EIF4G3: variants seen among roughly 807,000 people sequenced by gnomAD.
EIF4G3 encodes eukaryotic translation initiation factor 4 gamma 3.
EIF4G3 carries 34 observed loss-of-function variants against 186.4 expected under a neutral mutation model. The ratio of observed to expected loss-of-function variants is 0.18; its 90% CI spans 0.14 to 0.24. EIF4G3 has a LOEUF of 0.24. EIF4G3 is among the 10% of genes least tolerant of loss of function. The pLI, the probability that EIF4G3 is intolerant of heterozygous loss-of-function variation, is 1.00. For synonymous variants in EIF4G3, 673 were observed against 679.5 expected (o/e 0.99, Z 0.15); for missense variants, 1,536 against 1,948.5 (o/e 0.79, Z 3.99).
chr1:21,058,324 A>C (rs2094670482), intron 3 of EIF4G3, among the ~76,000 whole-genome samples: 1 of 152,170 alleles, frequency 6.6e-6, no homozygotes, highest in African/African-American at 2.4e-5. Context: ...ACTGGCATGC[A>C]GGAATTCCAG....
At chr1:20,818,543 G>A (rs2061589005) in intron 33 of EIF4G3, among the ~76,000 whole-genome samples, 1 of 152,160 alleles carries the variant, frequency 6.6e-6, no homozygotes, top group Non-Finnish European at 1.5e-5. Context: ...TCAGGAGGCT[G>A]AGATGGGAGG....
intron 4 of EIF4G3, 34 bp from the exon 5 acceptor site, chr1:21,002,842 T>A: frequency 8.2e-7 from 1 of 1,226,974 alleles, no homozygotes. Context: ...TATAATATTT[T>A]GAAAAAATAT....
chr1:20,822,355 CTTTTTTTTTTTTTT>C (rs57050580), intron 33 of EIF4G3, among the ~76,000 whole-genome samples: 1 of 65,048 alleles, frequency 1.5e-5, no homozygotes, highest in Non-Finnish European at 2.7e-5. Flanking sequence ...AAAGAACCAG[CTTTTTTTTTTTTTT>C]TTTTTTTTTT....
At chr1:21,005,563 T>C (rs1344762800) in intron 4 of EIF4G3, among the ~76,000 whole-genome samples, 2 of 152,296 alleles carry the variant, frequency 1.3e-5, no homozygotes, top group African/African-American at 4.8e-5. Flanking sequence ...GCTAAAAATA[T>C]ACATGACAAC....
chr1:21,066,417 T>C (rs965190724), intron 3 of EIF4G3, among the ~76,000 whole-genome samples: 2 of 151,846 alleles, frequency 1.3e-5, no homozygotes, highest in East Asian at 1.9e-4. Context: ...AAAATTAACA[T>C]AGAAATGTTA....
At chr1:20,849,575 CT>C in intron 28 of EIF4G3, 45 bp from the exon 29 acceptor site, 1 of 873,944 alleles carries the variant, frequency 1.1e-6, no homozygotes, top group Non-Finnish European at 1.7e-6. Flanking sequence ...ATAAAAATTA[CT>C]ATTAAAATAG....
intron 30 of EIF4G3, among the ~76,000 whole-genome samples, chr1:20,838,146 T>C (rs529784325): frequency 6.6e-6 from 1 of 152,338 alleles, no homozygotes; most frequent in East Asian, 1.9e-4. Flanking sequence ...CTGGTTATGA[T>C]ATTTTTTCTT....
chr1:20,934,459 C>G (rs1351960164), intron 14 of EIF4G3, among the ~76,000 whole-genome samples: 1 of 151,780 alleles, frequency 6.6e-6, no homozygotes, highest in Non-Finnish European at 1.5e-5. Flanking sequence ...CTAAGAGAGT[C>G]TGATGAAGGT....
At chr1:20,893,441 G>T in intron 18 of EIF4G3, 76 bp downstream of exon 18, 1 of 1,440,538 alleles carries the variant, frequency 6.9e-7, no homozygotes, top group Non-Finnish European at 9.4e-7. Context: ...AAAAGCTGCT[G>T]TCTTGCCATG....
intron 12 of EIF4G3, among the ~76,000 whole-genome samples, chr1:20,962,665 T>A (rs2073614883): frequency 6.6e-6 from 1 of 152,158 alleles, no homozygotes; most frequent in South Asian, 2.1e-4. Flanking sequence ...GGCAATGCAC[T>A]AAGCACAATG....
At chr1:20,934,761 T>C (rs1184833441) in intron 14 of EIF4G3, among the ~76,000 whole-genome samples, 1 of 152,098 alleles carries the variant, frequency 6.6e-6, no homozygotes, top group Non-Finnish European at 1.5e-5. Flanking sequence ...AGGGTTTTGA[T>C]AGGTATGTTT....
At chr1:21,063,715 G>A (rs1462553331) in intron 3 of EIF4G3, among the ~76,000 whole-genome samples, 3 of 18,356 alleles carry the variant, frequency 1.6e-4, no homozygotes, top group Non-Finnish European at 9.0e-4. Context: ...TGGGGGGGGG[G>A]GTGTTGGGGG....
At chr1:20,814,260 C>G (rs549741289) in intron 34 of EIF4G3, among the ~76,000 whole-genome samples, 12 of 152,212 alleles carry the variant, frequency 7.9e-5, no homozygotes, top group Admixed American at 7.9e-4. Flanking sequence ...ACCATCACAC[C>G]CAGACCAGAT....
At chr1:20,890,753 GC>G (rs1206111201) in intron 18 of EIF4G3, among the ~76,000 whole-genome samples, 1 of 152,170 alleles carries the variant, frequency 6.6e-6, no homozygotes, top group Non-Finnish European at 1.5e-5. Context: ...ACTGTGCCTG[GC>G]CATTTTTGTT....
intron 30 of EIF4G3, among the ~76,000 whole-genome samples, chr1:20,839,301 C>A (rs959154397): frequency 6.6e-6 from 1 of 151,688 alleles, no homozygotes; most frequent in Non-Finnish European, 1.5e-5. Context: ...TTAGTAGAGA[C>A]GGGGTTTCAC....
At chr1:20,858,831 C>T (rs1490026610) in intron 24 of EIF4G3, among the ~76,000 whole-genome samples, 1 of 152,034 alleles carries the variant, frequency 6.6e-6, no homozygotes, top group Non-Finnish European at 1.5e-5. Context: ...CCTGTCTCTA[C>T]TAAAAATACA....
chr1:20,810,031 C>T lies in EIF4G3; in HGVS notation c.4744+707G>A, dbSNP rs1276445395. ...TGTTGTCCAGGCCGGAGTGCAGTGG[C>T]GCCATCTTGGCTTAGTGCAAACTCC... On this transcript the variant is annotated intron_variant, in intron 36 of 36. Coordinates refer to ENST00000602326, the MANE Select transcript of EIF4G3 (RefSeq NM_001391906.1). This position sits in a 1 kb window ranked among gnomAD's most constrained non-coding sequence, Gnocchi z 4.1. 6.6e-6 allele frequency among the ~76,000 whole-genome samples: 1 copy of T among 151,664 alleles called. No individual in the cohort carries two copies. The highest frequency in any genetic ancestry group is 3.4e-3 in the Middle Eastern group (1 of 292).
chr1:20,883,386 A>T (rs4654882), intron 19 of EIF4G3, among the ~76,000 whole-genome samples: 1 of 151,918 alleles, frequency 6.6e-6, no homozygotes, highest in Non-Finnish European at 1.5e-5. Flanking sequence ...TGGGAGGCCG[A>T]GGTGGGCAGA....
At chr1:21,147,880 A>G (rs1202579931) in intron 2 of EIF4G3, among the ~76,000 whole-genome samples, 4 of 152,222 alleles carry the variant, frequency 2.6e-5, no homozygotes, top group African/African-American at 9.6e-5. Context: ...CATGTATTAT[A>G]TATCAATAAA....
Sources: allele counts gnomAD v4.1 joint callset (sites outside exome capture counted in the v4.1 genomes callset), GRCh38; gene constraint gnomAD v4.1.1; non-coding constraint Gnocchi (gnomAD v3.1); transcripts MANE v1.5; gene names NCBI Gene and HGNC (gene_info 2026-07-23, HGNC 2026-07-21).